C11orf24: variants seen among roughly 807,000 people sequenced by gnomAD.
The protein encoded by C11orf24 is uncharacterized protein C11orf24.
Under a neutral mutation model 7.3 loss-of-function variants are expected in C11orf24, and 5 were observed. That is an observed-to-expected ratio of 0.69 (90% CI 0.36 to 1.45). The LOEUF is 1.45. Among genes scored for constraint, C11orf24 ranks in the 40% most tolerant of loss-of-function variants. The probability of loss-of-function intolerance (pLI) is 0.03; values close to 1 mark genes in which losing one functional copy is unlikely to be tolerated. For synonymous variants in C11orf24, 233 were observed against 235.7 expected, an observed-to-expected ratio of 0.99 and a Z score of 0.11; for missense variants, 566 against 590.5, an observed-to-expected ratio of 0.96 and a Z score of 0.43.
chr11:68,262,967 G>T, intron 3 of C11orf24, 49 bp from the exon 4 acceptor site: 1 of 1,548,716 alleles, frequency 6.5e-7, no homozygotes, highest in Non-Finnish European at 8.8e-7. Flanking sequence ...GTTCAATCCT[G>T]CACAGGGGGA....
chr11:68,270,105 C>A (rs2098567155), intron 1 of C11orf24, among the ~76,000 whole-genome samples: 1 of 151,930 alleles, frequency 6.6e-6, no homozygotes, highest in Non-Finnish European at 1.5e-5. Context: ...GGTCTCAGAC[C>A]ATAATAGATG....
chr11:68,267,304 A>G (rs10791971), intron 2 of C11orf24: 44,745 of 152,112 alleles, frequency 0.29, 7,549 homozygotes, highest in South Asian at 0.56. Context: ...TGGAACAGAC[A>G]AGGACCTTCT....
At chr11:68,270,153 G>T (rs1207234305) in intron 1 of C11orf24, among the ~76,000 whole-genome samples, 1 of 152,176 alleles carries the variant, frequency 6.6e-6, no homozygotes, top group African/African-American at 2.4e-5. Flanking sequence ...GGGAATGAGC[G>T]AGAGAGAATT....
chr11:68,265,524 G>A (rs141985358), intron 2 of C11orf24, among the ~76,000 whole-genome samples: 1 of 152,284 alleles, frequency 6.6e-6, no homozygotes, highest in African/African-American at 2.4e-5. Context: ...TTTTTGAGAT[G>A]GGTCTCGCTC....
At chr11:68,266,816 G>T (rs1429198272) in intron 2 of C11orf24, among the ~76,000 whole-genome samples, 11 of 152,094 alleles carry the variant, frequency 7.2e-5, no homozygotes, top group Admixed American at 1.3e-4. Context: ...ACCACCCCTG[G>T]TATGTTCCCC....
intron 2 of C11orf24, among the ~76,000 whole-genome samples, chr11:68,265,388 A>C (rs1255428390): frequency 6.6e-6 from 1 of 152,202 alleles, no homozygotes; most frequent in Non-Finnish European, 1.5e-5. Flanking sequence ...TGAGTGAATG[A>C]GTGACTGACC....
intron 2 of C11orf24, among the ~76,000 whole-genome samples, chr11:68,264,642 TCATC>T (rs2098563991): frequency 1.3e-4 from 1 of 7,882 alleles, no homozygotes; most frequent in Non-Finnish European, 2.6e-4. Context: ...ATCCACCCAC[TCATC>T]CATCCATCCA....
Position 68,261,593 on chromosome 11 carries a change from AAAAGG to A in C11orf24, c.*47_*51del. On this transcript the variant is annotated 3_prime_UTR_variant, in exon 4 of 4. Transcript: ENST00000304271. Reference sequence around the variant, plus strand: ...AAGCACTTGGTTTGGTCTCAAAGGCAAAAGGAAAGGACGAGGAAGGGGCCAGGCCT... The same window carrying A: ...AAGCACTTGGTTTGGTCTCAAAGGCAAAAGGACGAGGAAGGGGCCAGGCCT... 1 of 1,517,510 alleles carries A rather than the reference AAAAGG, an allele frequency of 6.6e-7. No individual in the cohort carries two copies. Among genetic ancestry groups the A allele is most frequent in the Non-Finnish European group, 8.9e-7 (1 of 1,126,650 alleles). The allele number at this position is 1,517,510 out of a possible 1,614,324, so 94.0% of individuals were successfully genotyped here.
chr11:68,262,820 C>T lies in C11orf24; in HGVS notation c.175G>A (p.Ala59Thr). Reference sequence around the variant, plus strand: ...TTGGTCAATGTGACAGGAGAAGCTGCTGCCATGGTTACATCCTCAGACGTT... The same window carrying T: ...TTGGTCAATGTGACAGGAGAAGCTGTTGCCATGGTTACATCCTCAGACGTT... ...NKTSEDVTMA[A>T]ASPVTLTKGT... The change falls in exon 4 of 4, where the codon GCA (alanine) becomes ACA (threonine). Residue 59 changes from alanine (A) to threonine (T), a missense_variant. Physicochemically the swap from Ala to Thr is moderately conservative, Grantham distance 58. Transcript: ENST00000304271. The T allele has an allele frequency of 6.2e-7, 1 of 1,614,160 alleles. No homozygotes were observed. Among genetic ancestry groups the T allele is most frequent in the Non-Finnish European group, 8.5e-7 (1 of 1,180,026 alleles).
chr11:68,264,527 C>T, intron 2 of C11orf24, among the ~76,000 whole-genome samples: 1 of 133,274 alleles, frequency 7.5e-6, no homozygotes, highest in African/African-American at 2.9e-5. Context: ...CCCACTCATC[C>T]ATCCATCCAT....
Position 68,262,378 on chromosome 11 carries a change from G to A in C11orf24, c.617C>T (p.Thr206Ile). 1 of 1,614,188 alleles carries A rather than the reference G, an allele frequency of 6.2e-7. No individual in the cohort carries two copies. The highest frequency in any genetic ancestry group is 1.1e-5 in the South Asian group (1 of 91,088). Residue 206 changes from threonine (T) to isoleucine (I), a missense_variant, in exon 4 of 4, where the codon ACC becomes ATC. Physicochemically the swap from Thr to Ile is moderately conservative, Grantham distance 89 (BLOSUM62 -1). Coordinates refer to ENST00000304271, the MANE Select transcript of C11orf24 (RefSeq NM_022338.4). ...PKSSALPRTA[T>I]LATLATRAQT... ...AGCACGTGTGGCCAATGTGGCCAGG[G>A]TTGCTGTTCTTGGCAACGCGCTGCT...
At position 68,261,765 on chromosome 11, in the gene C11orf24, C is replaced by G. The variant is rs1591130005; in HGVS notation, c.1230G>C (p.Val410=). The change falls in exon 4 of 4, where the codon GTG becomes GTC. Residue 410 remains valine (V), a synonymous_variant. Transcript: ENST00000304271. ...AAACCAAGACTGTGATGAAAAGGGT[C>G]ACCCCGAGTAACAGCACCACCAGAA... is the stretch of plus-strand genomic sequence containing the variant. The part of the protein sequence containing the change: ...TLLLVVLLLG[V]TLFITVLVLF... 2 of 1,614,232 alleles carry G rather than the reference C, an allele frequency of 1.2e-6. No individual in the cohort carries two copies. The highest frequency in any genetic ancestry group is 1.7e-6 in the Non-Finnish European group (2 of 1,180,056).
At chr11:68,264,916 A>G (rs4930569) in intron 2 of C11orf24, among the ~76,000 whole-genome samples, 7,214 of 151,784 alleles carry the variant, frequency 0.048, 237 homozygotes, top group Non-Finnish European at 0.071. Context: ...AGGAGACAGT[A>G]TGCGGGCAGG....
chr11:68,264,656 A>C (rs958259966), intron 2 of C11orf24, among the ~76,000 whole-genome samples: 1 of 23,598 alleles, frequency 4.2e-5, no homozygotes, highest in Non-Finnish European at 1.0e-4. Context: ...CCATCCATCC[A>C]CCCACCATAT....
In C11orf24 at chr11:68,262,804, G is replaced by C; in HGVS notation, c.191C>G (p.Thr64Arg). ...GGCTGCCGAAGTCCCTTTGGTCAAT[G>C]TGACAGGAGAAGCTGCTGCCATGGT... is the stretch of plus-strand genomic sequence containing the variant. ...DVTMAAASPV[T>R]LTKGTSAAHL... The change falls in exon 4 of 4, where the codon ACA becomes AGA. Residue 64 changes from threonine to arginine, a missense_variant. Thr to Arg is a moderately conservative substitution (Grantham distance 71, BLOSUM62 -1). Coordinates refer to ENST00000304271, the MANE Select transcript of C11orf24 (RefSeq NM_022338.4). 1 of 1,614,160 alleles carries C rather than the reference G, an allele frequency of 6.2e-7. No individual in the cohort carries two copies. The highest frequency in any genetic ancestry group is 8.5e-7 in the Non-Finnish European group (1 of 1,180,030).
In C11orf24 at chr11:68,262,254, G is replaced by A; in HGVS notation, c.741C>T (p.Pro247=). The A allele has an allele frequency of 1.2e-6, 2 of 1,613,454 alleles. No homozygotes were observed. Among genetic ancestry groups the A allele is most frequent in the Non-Finnish European group, 1.7e-6 (2 of 1,179,464 alleles). ...GACCTTGTGCTTGGGGACGCATAGGGGGTACAGGGCTTGCCGCGGTGTCAC... is the reference window on the plus strand; with the variant it reads ...GACCTTGTGCTTGGGGACGCATAGGAGGTACAGGGCTTGCCGCGGTGTCAC... The part of the protein sequence containing the change: ...MPSDTAASPV[P]PMRPQAQGPI... Residue 247 remains proline, a synonymous_variant, in exon 4 of 4, where the codon CCC becomes CCT. Coordinates refer to ENST00000304271, the MANE Select transcript of C11orf24 (RefSeq NM_022338.4).
chr11:68,266,409 A>C (rs1405355783), intron 2 of C11orf24, among the ~76,000 whole-genome samples: 3 of 151,778 alleles, frequency 2.0e-5, no homozygotes, highest in Non-Finnish European at 4.4e-5. Context: ...TAGAGCACAC[A>C]CTCCTCTGGA....
At chr11:68,265,317 A>G (rs768009327) in intron 2 of C11orf24, among the ~76,000 whole-genome samples, 41 of 152,164 alleles carry the variant, frequency 2.7e-4, no homozygotes, top group Non-Finnish European at 5.3e-4. Flanking sequence ...AGGCAGGGGC[A>G]GCCAGTGAGG....
intron 2 of C11orf24, among the ~76,000 whole-genome samples, chr11:68,264,864 A>G (rs1328699521): frequency 6.6e-6 from 1 of 151,600 alleles, no homozygotes; most frequent in African/African-American, 2.4e-5. Context: ...GCAGGCTGGC[A>G]CAAGCATTGT....
Sources: gnomAD v4.1 joint callset for allele counts (sites outside exome capture counted in the v4.1 genomes callset) on GRCh38, gnomAD v4.1.1 for gene constraint, MANE v1.5 for transcripts, NCBI Gene and HGNC (gene_info 2026-07-23, HGNC 2026-07-21) for gene names.